IMPG2: variants seen among roughly 807,000 people sequenced by gnomAD.
IMPG2 encodes the protein IPM 200.
A neutral mutation model predicts 129.2 loss-of-function variants in IMPG2; 91 were observed. That is an observed-to-expected ratio of 0.70 (90% CI 0.59 to 0.84). IMPG2 has a LOEUF of 0.84. Among genes scored for constraint, IMPG2 ranks in the 40% least tolerant of loss-of-function variants. IMPG2 has a pLI of 0.00. For missense variants in IMPG2, 1,430 were observed against 1,461.7 expected (o/e 0.98, Z 0.35); for synonymous variants, 510 against 517.7 (o/e 0.99, Z 0.20).
chr3:101,291,018 GCC>G (rs762951080), intron 4 of IMPG2, among the ~76,000 whole-genome samples: 87 of 152,124 alleles, frequency 5.7e-4, no homozygotes, highest in Non-Finnish European at 1.1e-3. Flanking sequence ...TTAGCTCTAA[GCC>G]CACAGTGAAC....
At chr3:101,319,880 C>A in intron 1 of IMPG2, 48 bp from the exon 2 acceptor site, 1 of 1,585,274 alleles carries the variant, frequency 6.3e-7, no homozygotes, top group Non-Finnish European at 8.6e-7. Context: ...AGATACAGTA[C>A]AAAAGGTAAC....
intron 4 of IMPG2, among the ~76,000 whole-genome samples, chr3:101,287,793 A>C (rs516312): frequency 0.72 from 110,079 of 152,058 alleles, 40,848 homozygotes; most frequent in East Asian, 0.84. Context: ...AAATTCTAGA[A>C]GAAAACTTAG....
In IMPG2 at chr3:101,243,610, C is replaced by T. The variant is rs753791251; in HGVS notation, c.2721G>A (p.Val907=). Residue 907 remains valine (V), a synonymous_variant, in exon 13 of 19, where the codon GTG becomes GTA. Coordinates refer to ENST00000193391, the MANE Select transcript of IMPG2 (RefSeq NM_016247.4). ...GALVVFFSLR[V]TNMMFSEDLF... is the part of the protein sequence containing the mutation. ...GATCTTCTGAAAACATCATGTTAGTCACTCGGAGGCTGAAGAAAACCACCA... is the reference window on the plus strand; with the variant it reads ...GATCTTCTGAAAACATCATGTTAGTTACTCGGAGGCTGAAGAAAACCACCA... The T allele has an allele frequency of 1.9e-6, 3 of 1,613,746 alleles. No homozygotes were observed. The highest frequency in any genetic ancestry group is 2.5e-6 in the Non-Finnish European group (3 of 1,179,942).
In IMPG2 at chr3:101,273,744, T is replaced by G; in HGVS notation, c.667-2A>C. ...CACATTCTCAATTTCATTGCTAATC[T>G]GAATTTTTAGAGAAAGAACAATAAA... On this transcript the variant is annotated splice_acceptor_variant, in intron 6 of 18. Transcript: ENST00000193391. LOFTEE classifies it high-confidence loss of function. 1 of 1,613,490 alleles carries G rather than the reference T, an allele frequency of 6.2e-7. No individual in the cohort carries two copies. The highest frequency in any genetic ancestry group is 8.5e-7 in the Non-Finnish European group (1 of 1,179,428).
intron 3 of IMPG2, among the ~76,000 whole-genome samples, chr3:101,295,530 G>GT (rs1707070517): frequency 1.3e-5 from 2 of 152,020 alleles, no homozygotes; most frequent in Admixed American, 1.3e-4. Context: ...CAGCTTTGTT[G>GT]TTTTTGCTTA....
intron 16 of IMPG2, among the ~76,000 whole-genome samples, chr3:101,230,195 C>T (rs1464921056): frequency 6.6e-6 from 1 of 152,096 alleles, no homozygotes; most frequent in African/African-American, 2.4e-5. Flanking sequence ...CAGGACTTAG[C>T]CAAGTTGATG....
chr3:101,245,901 T>TA lies in IMPG2; in HGVS notation c.1443dup (p.Ser482Ter). On this transcript the variant is annotated frameshift_variant, in exon 12 of 19. Coordinates refer to ENST00000193391, the MANE Select transcript of IMPG2 (RefSeq NM_016247.4). LOFTEE classifies it high-confidence loss of function. ...GTGACAGAATGAAGAGTCAAGCTGC[T>TA]AACCTCTAAAACCTCTGGGGAAGAG... 2 of 1,614,216 alleles carry TA rather than the reference T, an allele frequency of 1.2e-6. No individual in the cohort carries two copies. Among genetic ancestry groups the TA allele is most frequent in the Non-Finnish European group, 1.7e-6 (2 of 1,180,034 alleles).
intron 2 of IMPG2, among the ~76,000 whole-genome samples, chr3:101,309,363 T>C (rs2107141181): frequency 6.6e-6 from 1 of 152,208 alleles, no homozygotes; most frequent in Non-Finnish European, 1.5e-5. Context: ...AGGAAAGAGA[T>C]TTAAATTATT....
chr3:101,227,793 C>T (rs779449546), intron 18 of IMPG2: 7 of 456,104 alleles, frequency 1.5e-5, no homozygotes, highest in South Asian at 1.1e-4. Flanking sequence ...TAGAAAAGCA[C>T]CTTTCTCAGT....
At chr3:101,304,076 C>G in intron 3 of IMPG2, 70 bp downstream of exon 3, 1 of 1,545,784 alleles carries the variant, frequency 6.5e-7, no homozygotes, top group Non-Finnish European at 8.9e-7. Context: ...GCTTTTGCTT[C>G]CTTTAGGCCT....
chr3:101,231,578 A>T (rs1248814627), intron 15 of IMPG2, among the ~76,000 whole-genome samples: 1 of 152,224 alleles, frequency 6.6e-6, no homozygotes, highest in African/African-American at 2.4e-5. Context: ...GGCCACAGGG[A>T]AAGGAAATCA....
chr3:101,251,439 TG>T (rs1184178008), intron 11 of IMPG2, among the ~76,000 whole-genome samples: 4 of 152,222 alleles, frequency 2.6e-5, no homozygotes. Flanking sequence ...CTATACATTT[TG>T]AAAGGTTAAC....
chr3:101,230,019 C>G (rs543070143), intron 16 of IMPG2, among the ~76,000 whole-genome samples: 1 of 152,184 alleles, frequency 6.6e-6, no homozygotes, highest in Non-Finnish European at 1.5e-5. Flanking sequence ...AAATTCAACT[C>G]AGGTCTACAC....
Position 101,244,208 on chromosome 3 carries a change from T to A in IMPG2, c.2123A>T (p.Glu708Val). ...TGAGTAATCATCAACACCAGGTACT[T>A]CTGATATGTGCTTGGGGAGGGTTAG... ...ASLTLPKHISEVPGVDDYSVT... is the reference protein window; with the variant it reads ...ASLTLPKHISVVPGVDDYSVT... The change falls in exon 13 of 19, where the codon GAA (glutamate) becomes GTA (valine). Residue 708 changes from glutamate (E) to valine (V), a missense_variant. Coordinates refer to ENST00000193391, the MANE Select transcript of IMPG2 (RefSeq NM_016247.4). 6.2e-7 allele frequency: 1 copy of A among 1,614,014 alleles called. No homozygotes were observed. Among genetic ancestry groups the A allele is most frequent in the Non-Finnish European group, 8.5e-7 (1 of 1,179,992 alleles).
chr3:101,309,060 T>A (rs569618492), intron 2 of IMPG2, among the ~76,000 whole-genome samples: 1 of 152,176 alleles, frequency 6.6e-6, no homozygotes, highest in South Asian at 2.1e-4. Context: ...TCCCACAAGA[T>A]CCTCATCTCC....
intron 9 of IMPG2, 113 bp from the exon 10 acceptor site, chr3:101,257,886 G>A (rs1342425026): frequency 7.4e-6 from 9 of 1,222,204 alleles, no homozygotes; most frequent in South Asian, 1.3e-5. Context: ...CAAAGAGCAT[G>A]GATTCCATCA....
chr3:101,304,396 T>G, intron 2 of IMPG2, 84 bp from the exon 3 acceptor site: 1 of 1,257,294 alleles, frequency 8.0e-7, no homozygotes, highest in Non-Finnish European at 1.2e-6. Flanking sequence ...TCGTACAGAT[T>G]CCTTGAGACA....
At position 101,242,819 on chromosome 3, in the gene IMPG2, C is replaced by T. The variant is rs887388274; in HGVS notation, c.2891G>A (p.Arg964Gln). Reference protein sequence around the residue: ...FRNGSIVVNSRMKFANSVPPN... With the variant: ...FRNGSIVVNSQMKFANSVPPN... ...AGGGACAGAATTGGCAAACTTCATT[C>T]GACTGTTCACCACAATGCTGCCATT... Residue 964 changes from arginine (R) to glutamine (Q), a missense_variant, in exon 14 of 19, where the codon CGA (arginine) becomes CAA (glutamine). Arg to Gln is a conservative substitution (Grantham distance 43). Coordinates refer to ENST00000193391, the MANE Select transcript of IMPG2 (RefSeq NM_016247.4). 8.7e-6 allele frequency: 14 copies of T among 1,613,878 alleles called. No homozygotes were observed. The highest frequency in any genetic ancestry group is 3.3e-5 in the Admixed American group (2 of 59,980).
intron 2 of IMPG2, among the ~76,000 whole-genome samples, chr3:101,310,170 A>C (rs1242200008): frequency 6.6e-6 from 1 of 152,210 alleles, no homozygotes; most frequent in Non-Finnish European, 1.5e-5. Flanking sequence ...CACCTTTAAG[A>C]AAGTAAACAA....
Sources: gnomAD v4.1 joint callset for allele counts (sites outside exome capture counted in the v4.1 genomes callset) on GRCh38, gnomAD v4.1.1 for gene constraint, MANE v1.5 for transcripts, NCBI Gene and HGNC (gene_info 2026-07-23, HGNC 2026-07-21) for gene names.